GRID2: variants seen among roughly 807,000 people sequenced by gnomAD.
GRID2 encodes the protein glutamate receptor ionotropic, delta-2.
Under a neutral mutation model 114.8 loss-of-function variants are expected in GRID2, and 33 were observed. That is an observed-to-expected ratio of 0.29 (90% CI 0.22 to 0.38). The LOEUF is 0.38. Ranked by LOEUF, GRID2 falls within the 10% of genes least tolerant of loss-of-function variation. The pLI is 1.00. For synonymous variants in GRID2, 505 were observed against 449.9 expected, an observed-to-expected ratio of 1.12 and a Z score of -1.55; for missense variants, 1,184 against 1,257.7, an observed-to-expected ratio of 0.94 and a Z score of 0.89.
intron 2 of GRID2, among the ~76,000 whole-genome samples, chr4:92,896,921 T>C (rs1747206117): frequency 6.6e-6 from 1 of 152,158 alleles, no homozygotes; most frequent in African/African-American, 2.4e-5. Context: ...TTTGTATTTT[T>C]AGTAGAGACG....
At chr4:92,425,560 C>A (rs933024538) in intron 1 of GRID2, among the ~76,000 whole-genome samples, 3 of 152,046 alleles carry the variant, frequency 2.0e-5, no homozygotes, top group African/African-American at 4.8e-5. Flanking sequence ...CACATAGTAG[C>A]AAAATAAGGT....
At chr4:93,604,419 A>G (rs1315564406) in intron 13 of GRID2, among the ~76,000 whole-genome samples, 4 of 152,228 alleles carry the variant, frequency 2.6e-5, no homozygotes, top group Non-Finnish European at 5.9e-5. Flanking sequence ...GTCACTTCTT[A>G]TGGAAGAGCA....
chr4:93,030,477 T>C (rs929033089), intron 2 of GRID2, among the ~76,000 whole-genome samples: 2 of 151,752 alleles, frequency 1.3e-5, no homozygotes, highest in Admixed American at 6.6e-5. Context: ...CTCTCCCTCC[T>C]GGGTTCAGTC....
At chr4:93,126,038 C>T (rs1734234476) in intron 4 of GRID2, among the ~76,000 whole-genome samples, 1 of 152,176 alleles carries the variant, frequency 6.6e-6, no homozygotes, top group South Asian at 2.1e-4. Flanking sequence ...TCTACTGATC[C>T]AAGTAGGTAA....
At chr4:93,352,606 GCTC>G (rs1760910390) in intron 8 of GRID2, among the ~76,000 whole-genome samples, 2 of 151,914 alleles carry the variant, frequency 1.3e-5, no homozygotes. Context: ...AGGCAGTCTG[GCTC>G]CAAAGTCCTA....
At chr4:93,405,904 A>G (rs1766364302) in intron 9 of GRID2, among the ~76,000 whole-genome samples, 1 of 152,202 alleles carries the variant, frequency 6.6e-6, no homozygotes, top group Admixed American at 6.5e-5. Flanking sequence ...TTTACATTTC[A>G]GAGTTACAAA....
At chr4:93,572,956 T>C (rs1736069858) in intron 13 of GRID2, among the ~76,000 whole-genome samples, 1 of 152,106 alleles carries the variant, frequency 6.6e-6, no homozygotes, top group Non-Finnish European at 1.5e-5. Context: ...CTGCGAAATA[T>C]ATAAGTAGTA....
chr4:92,738,414 T>C (rs921157931), intron 2 of GRID2, among the ~76,000 whole-genome samples: 2 of 152,132 alleles, frequency 1.3e-5, no homozygotes, highest in Non-Finnish European at 2.9e-5. Context: ...TTAGGCTGTT[T>C]CCTTGGTTGT....
intron 2 of GRID2, among the ~76,000 whole-genome samples, chr4:93,014,062 G>C (rs551527052): frequency 1.3e-5 from 2 of 152,142 alleles, no homozygotes; most frequent in South Asian, 4.1e-4. Context: ...TGAGCACTTT[G>C]TGGAGAGAAA....
At chr4:93,533,265 C>CCTTT (rs1320653266) in intron 13 of GRID2, among the ~76,000 whole-genome samples, 1 of 56,946 alleles carries the variant, frequency 1.8e-5, no homozygotes, top group East Asian at 4.4e-4. Context: ...TTCCTTCCTT[C>CCTTT]CTTCCTTCCT....
intron 4 of GRID2, among the ~76,000 whole-genome samples, chr4:93,170,155 C>T (rs902578264): frequency 1.3e-5 from 2 of 152,148 alleles, no homozygotes; most frequent in Non-Finnish European, 2.9e-5. Context: ...GCGGTCTTGG[C>T]TCACTGCAAT....
intron 1 of GRID2, among the ~76,000 whole-genome samples, chr4:93,799,170 G>A (rs866516521): frequency 2.0e-5 from 3 of 152,232 alleles, no homozygotes; most frequent in Admixed American, 1.3e-4. Flanking sequence ...GCTAGAAATC[G>A]TATTTATAAA....
At chr4:93,118,450 G>T (rs1294171082) in intron 4 of GRID2, among the ~76,000 whole-genome samples, 1 of 152,110 alleles carries the variant, frequency 6.6e-6, no homozygotes, top group Admixed American at 6.6e-5. Flanking sequence ...TTAAATCATG[G>T]CATTTCAGAT....
At chr4:93,576,704 C>T (rs201693588) in intron 13 of GRID2, among the ~76,000 whole-genome samples, 4 of 152,130 alleles carry the variant, frequency 2.6e-5, no homozygotes, top group East Asian at 3.9e-4. Context: ...GCTGGTTCTT[C>T]GATACGTGTG....
chr4:92,487,749 G>A (rs1722963191), intron 1 of GRID2, among the ~76,000 whole-genome samples: 1 of 134,462 alleles, frequency 7.4e-6, no homozygotes. Context: ...AATTGTTGTG[G>A]GTTTTTTGTT....
chr4:93,224,097 A>G (rs899432816), intron 6 of GRID2, among the ~76,000 whole-genome samples: 3 of 152,144 alleles, frequency 2.0e-5, no homozygotes, highest in African/African-American at 4.8e-5. Context: ...TTCTTTCATT[A>G]TTTCATTTAA....
chr4:92,913,245 C>G (rs1748521603), intron 2 of GRID2, among the ~76,000 whole-genome samples: 1 of 151,774 alleles, frequency 6.6e-6, no homozygotes, highest in South Asian at 2.1e-4. Context: ...TGTCTCCTCA[C>G]CTTGGTTCTG....
intron 9 of GRID2, among the ~76,000 whole-genome samples, chr4:93,404,669 C>A (rs2149343209): frequency 6.6e-6 from 1 of 152,160 alleles, no homozygotes; most frequent in Middle Eastern, 3.4e-3. Context: ...TATGCACAGA[C>A]TGTTAAGGGA....
At chr4:93,043,777 C>G (rs577741147) in intron 2 of GRID2, among the ~76,000 whole-genome samples, 1 of 147,484 alleles carries the variant, frequency 6.8e-6, no homozygotes, top group South Asian at 2.2e-4. Context: ...GTGGGGGGAG[C>G]GGGGAGGGAA....
Sources: allele counts gnomAD v4.1 joint callset (sites outside exome capture counted in the v4.1 genomes callset), GRCh38; gene constraint gnomAD v4.1.1; transcripts MANE v1.5; gene names NCBI Gene and HGNC (gene_info 2026-07-23, HGNC 2026-07-21).